The following STAB2 variants were observed in gnomAD, a reference collection of about 807,000 sequenced individuals.
The protein encoded by STAB2 is stabilin-2.
A neutral mutation model predicts 338.1 loss-of-function variants in STAB2; 288 were observed. That is an observed-to-expected ratio of 0.85 (90% CI 0.77 to 0.94). STAB2 has a LOEUF of 0.94. Among genes scored for constraint, STAB2 ranks in the 40% least tolerant of loss-of-function variants. The probability of loss-of-function intolerance (pLI) is 0.00; values close to 1 mark genes in which losing one functional copy is unlikely to be tolerated. For synonymous variants in STAB2, 1,202 were observed against 1,193.3 expected, an observed-to-expected ratio of 1.01 and a Z score of -0.15; for missense variants, 3,141 against 3,210.1, an observed-to-expected ratio of 0.98 and a Z score of 0.52.
intron 9 of STAB2, among the ~76,000 whole-genome samples, chr12:103,642,077 TA>T (rs760222970): frequency 8.5e-5 from 13 of 152,296 alleles, no homozygotes; most frequent in South Asian, 2.1e-4. Context: ...GGGGTGACCT[TA>T]GGCAAGACTA....
rs374046789 is a variant in STAB2 at position 103,742,490 on chromosome 12, C to T, written c.5967C>T (p.Asn1989=). The change falls in exon 56 of 69, where the codon AAC becomes AAT. Residue 1989 remains asparagine (N), a synonymous_variant. Transcript: ENST00000388887. ...QYSATGECKC[N]TGFNGTACEM... is the part of the protein sequence containing the mutation. ...CGGCCACCGGAGAGTGTAAATGCAA[C>T]ACCGGCTTCAATGGGACGGCGTGTG... 3 of 1,614,128 alleles carry T rather than the reference C, an allele frequency of 1.9e-6. No individual in the cohort carries two copies. The highest frequency in any genetic ancestry group is 8.5e-7 in the Non-Finnish European group (1 of 1,180,034).
At chr12:103,668,774 G>A (rs1314362191) in intron 20 of STAB2, 45 bp downstream of exon 20, 2 of 1,484,714 alleles carry the variant, frequency 1.3e-6, no homozygotes, top group African/African-American at 1.4e-5. Flanking sequence ...AGTAGGGCCA[G>A]GCAGCTCCAG....
In STAB2 at chr12:103,733,285, C is replaced by T. The variant is rs140860718; in HGVS notation, c.5460+103C>T. The T allele has an allele frequency of 1.2e-3, 1,597 of 1,365,594 alleles. 18 individuals carry two copies. The African/African-American group carries it at 0.021, about 18-fold the overall frequency. The allele number at this position is 1,365,594 out of a possible 1,614,324, so 84.6% of individuals were successfully genotyped here. A position where few individuals can be genotyped will look rare whatever the true frequency, so the allele number is the denominator to read the frequency against. The stretch of plus-strand genomic sequence containing the variant: ...CTAGGAACTGTCAGTGTGTCCCTGT[C>T]ACCACTGTATGCAGGAAGCCACAGC... On this transcript the variant is annotated intron_variant, in intron 51 of 68. Coordinates refer to ENST00000388887, the MANE Select transcript of STAB2 (RefSeq NM_017564.10).
rs536073917 is a variant in STAB2, at chr12:103,659,684, T to A, written c.1735-647T>A. Among the ~76,000 whole-genome samples the A allele has an allele frequency of 1.3e-4, 20 of 152,318 alleles. No individual in the cohort carries two copies. In the South Asian group the frequency reaches 4.2e-3, roughly 32 times the overall value. The stretch of plus-strand genomic sequence containing the variant: ...CAGGGCACCCTATAGGGGCTGCTCA[T>A]CCTGTCTATGGTCTCCTTTGTGGGG... On this transcript the variant is annotated intron_variant, in intron 15 of 68. Transcript: ENST00000388887.
intron 3 of STAB2, among the ~76,000 whole-genome samples, chr12:103,615,803 G>A (rs1437404008): frequency 6.6e-6 from 1 of 152,186 alleles, no homozygotes; most frequent in Admixed American, 6.5e-5. Context: ...AGTGCAAGCA[G>A]GGGAAATGCC....
chr12:103,688,074 G>A, intron 27 of STAB2, 94 bp from the exon 28 acceptor site: 1 of 1,259,022 alleles, frequency 7.9e-7, no homozygotes. Flanking sequence ...CTGAGTGCAG[G>A]TGACCCAGAG....
chr12:103,690,453 T>C lies in STAB2; in HGVS notation c.3212T>C (p.Val1071Ala), dbSNP rs773949957. ...KYHMLLGTYR[V>A]ADLQTLSSSD... Reference sequence around the variant, plus strand: ...CATATGCTACTAGGCACATACAGAGTGGCAGATCTGCAGACCCTGTCTTCT... The same window carrying C: ...CATATGCTACTAGGCACATACAGAGCGGCAGATCTGCAGACCCTGTCTTCT... The change falls in exon 30 of 69, where the codon GTG becomes GCG. Residue 1071 changes from valine (V) to alanine (A), a missense_variant. By Grantham distance (64) the Val-to-Ala change is moderately conservative. Coordinates refer to ENST00000388887, the MANE Select transcript of STAB2 (RefSeq NM_017564.10). 3 of 1,614,034 alleles carry C rather than the reference T, an allele frequency of 1.9e-6. No homozygotes were observed. The highest frequency in any genetic ancestry group is 1.1e-5 in the South Asian group (1 of 91,076).
chr12:103,609,083 A>G (rs912522207), intron 3 of STAB2, among the ~76,000 whole-genome samples: 1 of 152,172 alleles, frequency 6.6e-6, no homozygotes, highest in Non-Finnish European at 1.5e-5. Context: ...TGTTTTGGTT[A>G]CTGTAGCCTT....
intron 57 of STAB2, among the ~76,000 whole-genome samples, chr12:103,745,688 G>A (rs1407389791): frequency 6.6e-6 from 1 of 152,076 alleles, no homozygotes; most frequent in Non-Finnish European, 1.5e-5. Flanking sequence ...CTAGATGAAT[G>A]GCCTTAGAGA....
Position 103,590,861 on chromosome 12 carries a change from C to T in STAB2, c.82-36C>T, listed in dbSNP as rs375485085. 4.3e-6 allele frequency: 7 copies of T among 1,612,984 alleles called. No individual in the cohort carries two copies. In the African/African-American group the frequency reaches 9.4e-5, roughly 22 times the overall value. ...TAGATGTTTTGCAAGACTCTGATAACAGGAATTAATGTTCTTTTTTTTAAT... is the reference window on the plus strand; with the variant it reads ...TAGATGTTTTGCAAGACTCTGATAATAGGAATTAATGTTCTTTTTTTTAAT... On this transcript the variant is annotated intron_variant, in intron 1 of 68. Coordinates refer to ENST00000388887, the MANE Select transcript of STAB2 (RefSeq NM_017564.10).
At chr12:103,630,074 A>G (rs561056955) in intron 5 of STAB2, among the ~76,000 whole-genome samples, 2 of 152,310 alleles carry the variant, frequency 1.3e-5, no homozygotes, top group South Asian at 4.1e-4. Flanking sequence ...TTGGTAATTG[A>G]GAGTCATTGA....
At chr12:103,697,609 G>A (rs542176970) in intron 33 of STAB2, among the ~76,000 whole-genome samples, 6 of 152,328 alleles carry the variant, frequency 3.9e-5, no homozygotes, top group African/African-American at 1.4e-4. Flanking sequence ...CTCCCTCCCT[G>A]CTCCACAGCA....
intron 4 of STAB2, among the ~76,000 whole-genome samples, chr12:103,620,868 G>T (rs746985981): frequency 6.6e-6 from 1 of 152,140 alleles, no homozygotes; most frequent in Non-Finnish European, 1.5e-5. Flanking sequence ...GAGGCCGAGT[G>T]GGGGAGGATC....
rs769992144 is a variant in STAB2 at position 103,740,650 on chromosome 12, C to G, written c.5775C>G (p.Leu1925=). The part of the protein sequence containing the change: ...SKPKGVKQKC[L]YNLPFKRNLE... ...CTTAGGGTGTGAAGCAGAAGTGTCT[C>G]TACAACCTGCCCTTCAAGAGGAACC... The change falls in exon 55 of 69, where the codon CTC becomes CTG. Residue 1925 remains leucine (L), a synonymous_variant. Coordinates refer to ENST00000388887, the MANE Select transcript of STAB2 (RefSeq NM_017564.10). 53 of 1,612,248 alleles carry G rather than the reference C, an allele frequency of 3.3e-5. No homozygotes were observed. The highest frequency in any genetic ancestry group is 3.3e-4 in the Middle Eastern group (2 of 6,074).
chr12:103,755,075 A>G, intron 61 of STAB2: 1 of 548,040 alleles, frequency 1.8e-6, no homozygotes. Flanking sequence ...AATGAGTATG[A>G]AAGACCTGGG....
At chr12:103,718,240 C>T (rs6539100) in intron 44 of STAB2, among the ~76,000 whole-genome samples, 41,277 of 152,062 alleles carry the variant, frequency 0.27, 9,110 homozygotes, top group African/African-American at 0.61. Flanking sequence ...CCACAGCGAG[C>T]GCACTATGAG....
At chr12:103,693,481 G>A (rs990768636) in intron 31 of STAB2, among the ~76,000 whole-genome samples, 3 of 151,010 alleles carry the variant, frequency 2.0e-5, no homozygotes, top group African/African-American at 7.3e-5. Context: ...CCCTGGCACT[G>A]TGAAGTCTGT....
chr12:103,755,453 G>C lies in STAB2; in HGVS notation c.6866G>C (p.Cys2289Ser), dbSNP rs761261542. ...PNKSEMWDVF[C>S]YRMKDVNCTC... is the part of the protein sequence containing the mutation. ...AAGAGTGAAATGTGGGATGTCTTCT[G>C]CTATCGGATGAAAGGTAACCGCCCC... Residue 2289 changes from cysteine to serine, a missense_variant, in exon 62 of 69, where the codon TGC (cysteine) becomes TCC (serine). Cys to Ser is a moderately radical substitution (Grantham distance 112, BLOSUM62 -1). Coordinates refer to ENST00000388887, the MANE Select transcript of STAB2 (RefSeq NM_017564.10). 6.2e-7 allele frequency: 1 copy of C among 1,613,908 alleles called. No homozygotes were observed. Among genetic ancestry groups the C allele is most frequent in the Non-Finnish European group, 8.5e-7 (1 of 1,179,964 alleles).
chr12:103,626,080 A>C (rs1217332524), intron 5 of STAB2, among the ~76,000 whole-genome samples: 1 of 152,222 alleles, frequency 6.6e-6, no homozygotes. Context: ...ATTTTTAAAT[A>C]AGAAAACTGG....
Sources: gnomAD v4.1 joint callset for allele counts (sites outside exome capture counted in the v4.1 genomes callset) on GRCh38, gnomAD v4.1.1 for gene constraint, MANE v1.5 for transcripts, NCBI Gene and HGNC (gene_info 2026-07-23, HGNC 2026-07-21) for gene names.